Variants in CLSTN2 observed in about 807,000 individuals in gnomAD.
CLSTN2 encodes the protein calsyntenin 2, also known as calsyntenin-2.
CLSTN2 carries 48 observed loss-of-function variants against 101.2 expected under a neutral mutation model. The ratio of observed to expected loss-of-function variants is 0.47; its 90% CI spans 0.38 to 0.60. The LOEUF (loss-of-function observed/expected upper bound fraction) is 0.60, where lower values mean the gene tolerates loss of function less well. Among genes scored for constraint, CLSTN2 ranks in the 20% least tolerant of loss-of-function variants. The probability of loss-of-function intolerance (pLI) is 0.00; values close to 1 mark genes in which losing one functional copy is unlikely to be tolerated. For synonymous variants in CLSTN2, 481 were observed against 463.6 expected, an observed-to-expected ratio of 1.04 and a Z score of -0.48; for missense variants, 1,160 against 1,238.2, an observed-to-expected ratio of 0.94 and a Z score of 0.95.
chr3:140,261,271 G>A (rs1036353934), intron 2 of CLSTN2, among the ~76,000 whole-genome samples: 1 of 151,838 alleles, frequency 6.6e-6, no homozygotes, highest in African/African-American at 2.4e-5. Flanking sequence ...ATTTATTTTT[G>A]CCAGTATTGA....
chr3:140,073,070 A>G (rs76220021), intron 1 of CLSTN2, among the ~76,000 whole-genome samples: 1,618 of 152,320 alleles, frequency 0.011, 39 homozygotes, highest in African/African-American at 0.036. Context: ...CACAAACACG[A>G]ATGGTGGCAC....
At chr3:140,183,737 C>T (rs2010443231) in intron 2 of CLSTN2, among the ~76,000 whole-genome samples, 2 of 152,188 alleles carry the variant, frequency 1.3e-5, no homozygotes, top group African/African-American at 4.8e-5. Flanking sequence ...TACACAACAG[C>T]ACTGAAAATT....
chr3:140,225,929 G>A (rs1039939238), intron 2 of CLSTN2, among the ~76,000 whole-genome samples: 2 of 151,650 alleles, frequency 1.3e-5, no homozygotes, highest in African/African-American at 4.9e-5. Context: ...AAAAAAAAAG[G>A]ACTCTAAAAG....
rs150245088 is a variant in CLSTN2 at position 140,115,928 on chromosome 3, G to T, written c.110-60023G>T. ...CGTTGTTAGGCTAAGAAATCGGATCGGTTGATGAGAATGTAGACACTTGTT... is the reference window on the plus strand; with the variant it reads ...CGTTGTTAGGCTAAGAAATCGGATCTGTTGATGAGAATGTAGACACTTGTT... On this transcript the variant is annotated intron_variant, in intron 1 of 16. Transcript: ENST00000458420. Among the ~76,000 whole-genome samples, 9 of 152,308 alleles carry T rather than the reference G, an allele frequency of 5.9e-5. No individual in the cohort carries two copies. In the East Asian group the frequency reaches 1.7e-3, roughly 29 times the overall value.
At chr3:140,208,753 G>A (rs548790496) in intron 2 of CLSTN2, among the ~76,000 whole-genome samples, 29 of 152,006 alleles carry the variant, frequency 1.9e-4, no homozygotes, top group Admixed American at 5.2e-4. Flanking sequence ...TCATTCTCTG[G>A]GTTTTTCTTG....
chr3:140,240,134 T>TTCTCTCTCTC (rs1370229338), intron 2 of CLSTN2, among the ~76,000 whole-genome samples: 247 of 20,448 alleles, frequency 0.012, 94 homozygotes, highest in Middle Eastern at 0.038. Context: ...TGCACCTGGT[T>TTCTCTCTCTC]TCTCTCTCTC....
chr3:140,499,657 AT>A (rs1398613131), intron 8 of CLSTN2, among the ~76,000 whole-genome samples: 1 of 152,054 alleles, frequency 6.6e-6, no homozygotes, highest in East Asian at 1.9e-4. Context: ...GGTGGTAAAA[AT>A]CACCCCATCC....
chr3:140,134,847 G>C (rs908855247), intron 1 of CLSTN2, among the ~76,000 whole-genome samples: 3 of 151,740 alleles, frequency 2.0e-5, no homozygotes, highest in Non-Finnish European at 4.4e-5. Context: ...TTCATCAAGA[G>C]CTTCAAAATA....
intron 2 of CLSTN2, among the ~76,000 whole-genome samples, chr3:140,378,229 G>C (rs1356137515): frequency 1.3e-5 from 2 of 152,182 alleles, no homozygotes; most frequent in Non-Finnish European, 2.9e-5. Context: ...CTATCGTTAA[G>C]TGACACTTGA....
intron 1 of CLSTN2, among the ~76,000 whole-genome samples, chr3:140,096,957 C>T (rs77034187): frequency 6.6e-6 from 1 of 152,156 alleles, no homozygotes; most frequent in Non-Finnish European, 1.5e-5. Flanking sequence ...GCCATTAACT[C>T]TGAGTGGGCA....
intron 1 of CLSTN2, among the ~76,000 whole-genome samples, chr3:139,966,411 T>C (rs1935599116): frequency 6.6e-6 from 1 of 152,228 alleles, no homozygotes; most frequent in Non-Finnish European, 1.5e-5. Flanking sequence ...ACTTCCCCTA[T>C]TATGCCTTGA....
intron 10 of CLSTN2, among the ~76,000 whole-genome samples, chr3:140,553,650 G>A (rs891981628): frequency 2.0e-5 from 3 of 152,114 alleles, no homozygotes; most frequent in African/African-American, 7.2e-5. Context: ...GGTGGGGTGG[G>A]GTTTCTGCAT....
intron 1 of CLSTN2, among the ~76,000 whole-genome samples, chr3:140,031,817 T>C (rs1266646247): frequency 6.6e-6 from 1 of 152,312 alleles, no homozygotes; most frequent in Non-Finnish European, 1.5e-5. Flanking sequence ...CAAAGTCATA[T>C]GGTTATTAAG....
chr3:140,531,326 GA>G (rs1361541138), intron 8 of CLSTN2, among the ~76,000 whole-genome samples: 4 of 152,102 alleles, frequency 2.6e-5, no homozygotes, highest in African/African-American at 7.2e-5. Flanking sequence ...GAACATTAAT[GA>G]AAAAAATCTT....
rs144947901 is a variant in CLSTN2, at chr3:140,016,378, A to G, written c.109+80895A>G. ...AATTTTAGAAAACATCTGACGTGCT[A>G]GGATAGGAATAGAATAGAATACGAA... On this transcript the variant is annotated intron_variant, in intron 1 of 16. Transcript: ENST00000458420. 5.1e-3 allele frequency among the ~76,000 whole-genome samples: 773 copies of G among 152,354 alleles called. 3 individuals are homozygous for G. The highest frequency in any genetic ancestry group is 8.0e-3 in the Non-Finnish European group (544 of 68,036).
At chr3:140,254,503 AT>A (rs1015467514) in intron 2 of CLSTN2, among the ~76,000 whole-genome samples, 2 of 152,192 alleles carry the variant, frequency 1.3e-5, no homozygotes, top group African/African-American at 4.8e-5. Context: ...ATTTTTAACA[AT>A]TTTAAATTTA....
intron 4 of CLSTN2, among the ~76,000 whole-genome samples, chr3:140,418,421 T>C (rs934262596): frequency 4.3e-4 from 65 of 152,220 alleles, no homozygotes; most frequent in African/African-American, 1.4e-3. Context: ...CTAAATTCTA[T>C]CTCTAATTGG....
chr3:140,491,815 G>A (rs1200886289), intron 8 of CLSTN2, among the ~76,000 whole-genome samples: 3 of 152,166 alleles, frequency 2.0e-5, no homozygotes, highest in Non-Finnish European at 4.4e-5. Flanking sequence ...GGAGTGAGAC[G>A]CTGTCTCAAA....
intron 5 of CLSTN2, among the ~76,000 whole-genome samples, chr3:140,424,650 A>T (rs1017287824): frequency 2.0e-5 from 3 of 152,214 alleles, no homozygotes; most frequent in Non-Finnish European, 2.9e-5. Context: ...TTACTTGCAG[A>T]TGATGCAGAC....
Sources: allele counts gnomAD v4.1 joint callset (sites outside exome capture counted in the v4.1 genomes callset), GRCh38; gene constraint gnomAD v4.1.1; transcripts MANE v1.5; gene names NCBI Gene and HGNC (gene_info 2026-07-23, HGNC 2026-07-21).